Variants in NCAM2 observed in about 807,000 individuals in gnomAD.
The protein encoded by NCAM2 is N-CAM-2.
In NCAM2, 30 loss-of-function variants were observed where a neutral mutation model predicts 98.1. The observed-to-expected ratio is 0.31, with a 90% CI of 0.23 to 0.41. NCAM2 has a LOEUF of 0.41. NCAM2 is among the 10% of genes least tolerant of loss of function. NCAM2 has a pLI of 1.00. For missense variants in NCAM2, 867 were observed against 1,005.8 expected (o/e 0.86, Z 1.87); for synonymous variants, 368 against 342.4 (o/e 1.07, Z -0.83).
chr21:21,098,131 G>T (rs2066162161), intron 1 of NCAM2, among the ~76,000 whole-genome samples: 1 of 150,580 alleles, frequency 6.6e-6, no homozygotes, highest in African/African-American at 2.4e-5. Flanking sequence ...CAAAATTGAA[G>T]GTACACATAT....
chr21:21,483,656 G>T (rs1347257562), intron 15 of NCAM2, among the ~76,000 whole-genome samples: 1 of 152,040 alleles, frequency 6.6e-6, no homozygotes, highest in East Asian at 1.9e-4. Flanking sequence ...TGAAATAGAA[G>T]TCCAATTACC....
intron 1 of NCAM2, among the ~76,000 whole-genome samples, chr21:21,155,763 T>C (rs1817387228): frequency 6.6e-6 from 1 of 151,974 alleles, no homozygotes; most frequent in African/African-American, 2.4e-5. Flanking sequence ...AGTTTGACTG[T>C]ATTTTTACAA....
chr21:21,534,700 C>A (rs1569144944), intron 17 of NCAM2, 44 bp downstream of exon 17: 2 of 1,447,836 alleles, frequency 1.4e-6, no homozygotes, highest in Non-Finnish European at 9.2e-7. Context: ...TGGGTATTGG[C>A]AAAATGATAA....
intron 1 of NCAM2, among the ~76,000 whole-genome samples, chr21:21,069,498 C>A (rs1443178576): frequency 1.3e-5 from 2 of 151,972 alleles, no homozygotes; most frequent in African/African-American, 4.8e-5. Context: ...CATAGACTAC[C>A]CATAGTATAG....
At chr21:21,362,296 C>T (rs754165627) in intron 8 of NCAM2, among the ~76,000 whole-genome samples, 5 of 152,072 alleles carry the variant, frequency 3.3e-5, no homozygotes, top group Non-Finnish European at 7.3e-5. Context: ...CTTTAATAGT[C>T]TCATATAATT....
intron 1 of NCAM2, among the ~76,000 whole-genome samples, chr21:21,092,821 T>A (rs1378541434): frequency 6.6e-6 from 1 of 151,868 alleles, no homozygotes; most frequent in African/African-American, 2.4e-5. Context: ...AAAATAATAA[T>A]GTATTTATAT....
At chr21:21,230,747 A>G (rs2070589589) in intron 1 of NCAM2, among the ~76,000 whole-genome samples, 1 of 151,330 alleles carries the variant, frequency 6.6e-6, no homozygotes, top group Non-Finnish European at 1.5e-5. Context: ...AAAATGGGAA[A>G]ACCACACTTT....
chr21:21,073,107 C>A (rs1487727510), intron 1 of NCAM2, among the ~76,000 whole-genome samples: 1 of 152,070 alleles, frequency 6.6e-6, no homozygotes, highest in East Asian at 1.9e-4. Flanking sequence ...TTCACTTAGC[C>A]TAATGACTTG....
At chr21:21,453,001 TATATA>T (rs1378745377) in intron 12 of NCAM2, among the ~76,000 whole-genome samples, 1 of 103,128 alleles carries the variant, frequency 9.7e-6, no homozygotes, top group Non-Finnish European at 1.8e-5. Context: ...TATTATATAA[TATATA>T]ATATATAAAA....
intron 1 of NCAM2, among the ~76,000 whole-genome samples, chr21:20,999,845 C>T (rs1178223928): frequency 6.6e-6 from 1 of 152,158 alleles, no homozygotes; most frequent in Non-Finnish European, 1.5e-5. Context: ...TTCAGCAGGG[C>T]TTGACATTTT....
At chr21:21,164,377 A>T (rs1228928967) in intron 1 of NCAM2, among the ~76,000 whole-genome samples, 2 of 152,316 alleles carry the variant, frequency 1.3e-5, no homozygotes, top group African/African-American at 2.4e-5. Flanking sequence ...ATTTGCAAAG[A>T]AGTTGAAAAG....
At chr21:21,495,998 A>G (rs1197343164) in intron 15 of NCAM2, among the ~76,000 whole-genome samples, 1 of 139,098 alleles carries the variant, frequency 7.2e-6, no homozygotes, top group Non-Finnish European at 1.6e-5. Context: ...GTGTGTATAT[A>G]TATATGAAAT....
At chr21:21,200,274 G>C (rs1236246688) in intron 1 of NCAM2, among the ~76,000 whole-genome samples, 3 of 151,954 alleles carry the variant, frequency 2.0e-5, no homozygotes, top group Non-Finnish European at 4.4e-5. Context: ...TAATCAAATG[G>C]ACTTGCATGG....
At chr21:21,264,744 ATATATATACATATATATATATTCCAC>A (rs200934460) in intron 1 of NCAM2, among the ~76,000 whole-genome samples, 2,505 of 13,428 alleles carry the variant, frequency 0.19, 84 homozygotes, top group East Asian at 0.55. Context: ...ATAAGTGTGT[ATATATATACATATATATATATTCCAC>A]TATATATATA....
intron 1 of NCAM2, among the ~76,000 whole-genome samples, chr21:21,171,556 GT>G (rs1486980641): frequency 6.6e-6 from 1 of 152,082 alleles, no homozygotes; most frequent in Non-Finnish European, 1.5e-5. Flanking sequence ...TCTCATACTG[GT>G]TCCCACTTTG....
chr21:21,370,765 C>T (rs56400125), intron 8 of NCAM2, among the ~76,000 whole-genome samples: 34,597 of 151,680 alleles, frequency 0.23, 4,235 homozygotes, highest in East Asian at 0.29. Context: ...TTTCAATTTC[C>T]TCATCTTAAA....
At chr21:21,174,777 A>G (rs1182194289) in intron 1 of NCAM2, among the ~76,000 whole-genome samples, 1 of 151,756 alleles carries the variant, frequency 6.6e-6, no homozygotes, top group East Asian at 1.9e-4. Flanking sequence ...TTACAAATAA[A>G]GAAAATTGTT....
In NCAM2 at chr21:21,542,344, ATATT is replaced by A. The variant is rs956377513; in HGVS notation, c.*4393_*4396del. ...AATTTTATATTATATATAATGCTAA[ATATT>A]TATTTGATAACACAATATTCTTAGA... On this transcript the variant is annotated 3_prime_UTR_variant, in exon 18 of 18. Coordinates refer to ENST00000400546, the MANE Select transcript of NCAM2 (RefSeq NM_004540.5). 6.6e-5 allele frequency: 10 copies of A among 151,696 alleles called. No homozygotes were observed. Among genetic ancestry groups the A allele is most frequent in the African/African-American group, 9.7e-5 (4 of 41,414 alleles). 9.4% of individuals were successfully genotyped at this position (151,696 alleles called of 1,614,324 possible).
At chr21:21,484,564 T>A (rs1986182263) in intron 15 of NCAM2, among the ~76,000 whole-genome samples, 1 of 152,268 alleles carries the variant, frequency 6.6e-6, no homozygotes, top group Admixed American at 6.5e-5. Context: ...TGTTTTAATG[T>A]CATTGTTATA....
Sources: allele counts gnomAD v4.1 joint callset (sites outside exome capture counted in the v4.1 genomes callset), GRCh38; gene constraint gnomAD v4.1.1; transcripts MANE v1.5; gene names NCBI Gene and HGNC (gene_info 2026-07-23, HGNC 2026-07-21).